SLC4A5: variants seen among roughly 807,000 people sequenced by gnomAD.
The protein encoded by SLC4A5 is solute carrier family 4 member 5, also known as electrogenic sodium bicarbonate cotransporter 4.
Under a neutral mutation model 120.4 loss-of-function variants are expected in SLC4A5, and 96 were observed. The ratio of observed to expected loss-of-function variants is 0.80; its 90% confidence interval spans 0.68 to 0.94. SLC4A5 has a LOEUF of 0.94. Among genes scored for constraint, SLC4A5 ranks in the 40% least tolerant of loss-of-function variants. SLC4A5 has a pLI of 0.00. For synonymous variants in SLC4A5, 550 were observed against 571.1 expected (o/e 0.96, Z 0.53); for missense variants, 1,259 against 1,459.5 (o/e 0.86, Z 2.24).
At chr2:74,283,030 C>A (rs776339058) in intron 8 of SLC4A5, among the ~76,000 whole-genome samples, 5 of 152,204 alleles carry the variant, frequency 3.3e-5, no homozygotes, top group Admixed American at 6.5e-5. Flanking sequence ...GGATAGGCAT[C>A]CTGGGCTCTG....
At chr2:74,232,544 A>C in exon 24 of SLC4A5, 2 of 1,613,866 alleles carry the variant, frequency 1.2e-6, no homozygotes, top group Non-Finnish European at 1.7e-6. Flanking sequence ...GATGTGGGCG[A>C]TGGAGATGAC....
At chr2:74,237,974 C>T (rs963559839) in intron 21 of SLC4A5, among the ~76,000 whole-genome samples, 8 of 152,028 alleles carry the variant, frequency 5.3e-5, no homozygotes, top group Admixed American at 1.3e-4. Flanking sequence ...TGGTGGCAGG[C>T]GCCTGTAGTC....
chr2:74,293,782 A>G (rs1388475975), intron 7 of SLC4A5, among the ~76,000 whole-genome samples: 1 of 152,184 alleles, frequency 6.6e-6, no homozygotes, highest in Non-Finnish European at 1.5e-5. Context: ...GGTTTCTGGC[A>G]TTGTGATAAA....
At chr2:74,244,050 G>A (rs928733438) in intron 19 of SLC4A5, among the ~76,000 whole-genome samples, 25 of 152,290 alleles carry the variant, frequency 1.6e-4, no homozygotes, top group African/African-American at 5.5e-4. Context: ...AGGAATATGG[G>A]CCCATTACTA....
At chr2:74,283,343 C>G (rs942706013) in intron 8 of SLC4A5, among the ~76,000 whole-genome samples, 2 of 152,168 alleles carry the variant, frequency 1.3e-5, no homozygotes, top group African/African-American at 2.4e-5. Context: ...GTGCAACTTG[C>G]AGGAGACAAG....
chr2:74,303,841 CATT>C (rs1344425239), intron 7 of SLC4A5, among the ~76,000 whole-genome samples: 1 of 137,178 alleles, frequency 7.3e-6, no homozygotes, highest in Non-Finnish European at 1.5e-5. Context: ...CAAGCATGTC[CATT>C]ATTATTATTT....
intron 25 of SLC4A5, 116 bp downstream of exon 25, chr2:74,231,120 T>C: frequency 1.1e-6 from 1 of 935,064 alleles, no homozygotes; most frequent in South Asian, 1.8e-5. Flanking sequence ...ACTGTGCCTT[T>C]CTTAGGGGGC....
intron 24 of SLC4A5, 114 bp downstream of exon 24, chr2:74,232,355 C>T (rs1214348750): frequency 9.7e-6 from 12 of 1,231,184 alleles, no homozygotes; most frequent in African/African-American, 1.5e-5. Context: ...GTTCTTGGGC[C>T]GTCAGAGCGG....
intron 27 of SLC4A5, among the ~76,000 whole-genome samples, chr2:74,226,650 T>G (rs1361156761): frequency 6.6e-6 from 1 of 152,142 alleles, no homozygotes; most frequent in African/African-American, 2.4e-5. Flanking sequence ...CAGTGGGAAC[T>G]CGGTCTCCTG....
chr2:74,310,585 T>G (rs1573090072), intron 6 of SLC4A5, among the ~76,000 whole-genome samples: 1 of 152,304 alleles, frequency 6.6e-6, no homozygotes, highest in East Asian at 1.9e-4. Flanking sequence ...TTTGGCCTAT[T>G]GATATGATGA....
At chr2:74,261,792 C>G (rs1396133577) in intron 11 of SLC4A5, among the ~76,000 whole-genome samples, 3 of 152,180 alleles carry the variant, frequency 2.0e-5, no homozygotes, top group Non-Finnish European at 4.4e-5. Flanking sequence ...TTTTTGATTC[C>G]ATTTCCAGGA....
At chr2:74,314,845 C>T in intron 6 of SLC4A5, 100 bp downstream of exon 6, 1 of 1,105,558 alleles carries the variant, frequency 9.0e-7, no homozygotes, top group East Asian at 2.4e-5. Flanking sequence ...GAAAAGGGAC[C>T]TGCTCCCTAG....
At chr2:74,330,524 G>A (rs918343039) in intron 4 of SLC4A5, among the ~76,000 whole-genome samples, 1 of 150,110 alleles carries the variant, frequency 6.7e-6, no homozygotes, top group South Asian at 2.1e-4. Context: ...GAGGTGGTGA[G>A]GTCTAGATGG....
chr2:74,270,915 T>C (rs1164744381), intron 8 of SLC4A5, among the ~76,000 whole-genome samples: 1 of 152,198 alleles, frequency 6.6e-6, no homozygotes, highest in Non-Finnish European at 1.5e-5. Flanking sequence ...CTCTTTCCCT[T>C]AGAATGGCTC....
chr2:74,247,530 T>A lies in SLC4A5; in HGVS notation c.1788-223A>T, dbSNP rs191371077. Among the ~76,000 whole-genome samples the A allele has an allele frequency of 2.1e-3, 324 of 152,232 alleles. 4 individuals are homozygous for A. Among genetic ancestry groups the A allele is most frequent in the African/African-American group, 7.1e-3 (297 of 41,544 alleles). On this transcript the variant is annotated intron_variant, in intron 18 of 30. Transcript: ENST00000394019. ...ATCTTTATAAGAACTTTTTTTTTTT[T>A]TTGAGAAAGAGTCTCTCTCTGTCAC...
intron 18 of SLC4A5, among the ~76,000 whole-genome samples, chr2:74,247,673 C>T (rs1420990877): frequency 2.0e-5 from 3 of 152,046 alleles, no homozygotes; most frequent in East Asian, 3.9e-4. Context: ...CGCCGCCACG[C>T]CTGGCTGATT....
At chr2:74,307,333 T>G (rs878872411) in intron 6 of SLC4A5, 1 of 578,390 alleles carries the variant, frequency 1.7e-6, no homozygotes, top group South Asian at 1.6e-5. Context: ...CCAGAGCTGG[T>G]AATCTGGGCT....
At chr2:74,315,046 A>T (rs1672921651) in intron 5 of SLC4A5, 21 bp from the exon 6 acceptor site, 2 of 1,595,864 alleles carry the variant, frequency 1.3e-6, no homozygotes, top group East Asian at 4.5e-5. Context: ...AAAGGAACAC[A>T]GCCTCAAAAT....
At chr2:74,291,512 A>G (rs1442489928) in intron 7 of SLC4A5, among the ~76,000 whole-genome samples, 2 of 152,236 alleles carry the variant, frequency 1.3e-5, no homozygotes, top group East Asian at 3.8e-4. Flanking sequence ...CTAGGCCCCA[A>G]CACAGGTTAG....
Sources: gnomAD v4.1 joint callset for allele counts (sites outside exome capture counted in the v4.1 genomes callset) on GRCh38, gnomAD v4.1.1 for gene constraint, MANE v1.5 for transcripts, NCBI Gene and HGNC (gene_info 2026-07-23, HGNC 2026-07-21) for gene names.